PTGER3: variants seen among roughly 807,000 people sequenced by gnomAD.
The protein encoded by PTGER3 is prostaglandin E receptor 3, also known as prostaglandin E2 receptor EP3 subtype.
Under a neutral mutation model 34.7 loss-of-function variants are expected in PTGER3, and 22 were observed. The ratio of observed to expected loss-of-function variants is 0.63; its 90% CI spans 0.45 to 0.91. PTGER3 has a LOEUF of 0.91. PTGER3 is among the 40% of genes least tolerant of loss of function. The probability of loss-of-function intolerance (pLI) is 0.00; values close to 1 mark genes in which losing one functional copy is unlikely to be tolerated. For synonymous variants in PTGER3, 241 were observed against 230.1 expected, an observed-to-expected ratio of 1.05 and a Z score of -0.43; for missense variants, 468 against 519.4, an observed-to-expected ratio of 0.90 and a Z score of 0.96.
chr1:70,874,767 G>A (rs1477129101), intron 4 of PTGER3, among the ~76,000 whole-genome samples: 2 of 151,814 alleles, frequency 1.3e-5, no homozygotes, highest in African/African-American at 4.8e-5. Context: ...ATTTTCCCAG[G>A]AGAAATTGAA....
intron 4 of PTGER3, among the ~76,000 whole-genome samples, chr1:70,863,518 A>C (rs1161411227): frequency 1.3e-5 from 2 of 152,182 alleles, no homozygotes; most frequent in Non-Finnish European, 2.9e-5. Flanking sequence ...ATAGATCATG[A>C]AAAAATCTTT....
intron 4 of PTGER3, among the ~76,000 whole-genome samples, chr1:70,879,285 C>G (rs1646336912): frequency 6.6e-6 from 1 of 152,062 alleles, no homozygotes; most frequent in Non-Finnish European, 1.5e-5. Context: ...CTCACTCTGT[C>G]ACCCAGGCTG....
intron 2 of PTGER3, among the ~76,000 whole-genome samples, chr1:70,988,643 G>A (rs1468087352): frequency 6.6e-6 from 1 of 152,122 alleles, no homozygotes; most frequent in Non-Finnish European, 1.5e-5. Flanking sequence ...TCCAATCTCT[G>A]ATAACCAGGA....
At chr1:70,928,868 T>TAA (rs1553164350) in intron 4 of PTGER3, among the ~76,000 whole-genome samples, 1 of 147,172 alleles carries the variant, frequency 6.8e-6, no homozygotes, top group African/African-American at 2.5e-5. Flanking sequence ...AATTTACAGA[T>TAA]ACACACACAC....
chr1:70,895,144 C>G (rs1053367028), intron 4 of PTGER3, among the ~76,000 whole-genome samples: 1 of 152,166 alleles, frequency 6.6e-6, no homozygotes, highest in Admixed American at 6.6e-5. Context: ...TAGCATTTAA[C>G]AAAAGAAATG....
At chr1:70,897,654 T>C (rs1202372768) in intron 4 of PTGER3, among the ~76,000 whole-genome samples, 1 of 152,174 alleles carries the variant, frequency 6.6e-6, no homozygotes, top group Non-Finnish European at 1.5e-5. Flanking sequence ...CTTCCAGTCC[T>C]CTTTGCCTCC....
At chr1:70,981,596 A>G (rs935841399) in intron 2 of PTGER3, among the ~76,000 whole-genome samples, 5 of 151,584 alleles carry the variant, frequency 3.3e-5, no homozygotes, top group African/African-American at 1.2e-4. Flanking sequence ...TTTTGTAGAG[A>G]TAGGATCTCA....
At chr1:70,885,222 T>C (rs1353012880) in intron 4 of PTGER3, among the ~76,000 whole-genome samples, 4 of 152,162 alleles carry the variant, frequency 2.6e-5, no homozygotes, top group African/African-American at 9.7e-5. Context: ...ACTTCTGAGG[T>C]TCTCTGTGGT....
chr1:70,990,928 G>A (rs974161631), intron 2 of PTGER3, among the ~76,000 whole-genome samples: 12 of 152,244 alleles, frequency 7.9e-5, no homozygotes, highest in African/African-American at 2.9e-4. Flanking sequence ...AAATAGTGAA[G>A]GTAACATTTA....
intron 1 of PTGER3, among the ~76,000 whole-genome samples, chr1:71,031,304 G>A (rs1419278938): frequency 1.3e-5 from 2 of 151,564 alleles, no homozygotes; most frequent in African/African-American, 4.9e-5. Context: ...ACACGCACAT[G>A]TGCACAAGGC....
At chr1:70,991,014 G>A (rs1655426304) in intron 2 of PTGER3, among the ~76,000 whole-genome samples, 1 of 152,118 alleles carries the variant, frequency 6.6e-6, no homozygotes, top group African/African-American at 2.4e-5. Context: ...TCACTTCATA[G>A]GCTTCCTTCC....
At chr1:71,009,411 G>A (rs1657247248) in intron 2 of PTGER3, 1 of 980,404 alleles carries the variant, frequency 1.0e-6, no homozygotes, top group Admixed American at 6.2e-5. Context: ...AATATCTTGG[G>A]ATATATACAG....
At chr1:70,992,061 A>C (rs2100774504) in intron 2 of PTGER3, among the ~76,000 whole-genome samples, 1 of 152,324 alleles carries the variant, frequency 6.6e-6, no homozygotes, top group Middle Eastern at 3.4e-3. Context: ...TCCCAGAGGA[A>C]AGTACTAATA....
At chr1:70,975,573 A>G (rs1052832992) in intron 2 of PTGER3, among the ~76,000 whole-genome samples, 3 of 152,130 alleles carry the variant, frequency 2.0e-5, no homozygotes, top group Non-Finnish European at 4.4e-5. Context: ...GTGGCATGGC[A>G]TTATACAAGC....
chr1:71,047,001 C>G lies in PTGER3; in HGVS notation c.577G>C (p.Val193Leu). ...ACGGTGTACTGGCCCACGCCCAGCA[C>G]CGGCAGCAGGGCGAAGGCGAGCACG... ...LAVLAFALLP[V>L]LGVGQYTVQW... is the part of the protein sequence containing the mutation. Residue 193 changes from valine (V) to leucine (L), a missense_variant, in exon 1 of 4, where the codon GTG becomes CTG. Transcript: ENST00000306666. 6.2e-7 allele frequency: 1 copy of G among 1,611,512 alleles called. No individual in the cohort carries two copies. Among genetic ancestry groups the G allele is most frequent in the African/African-American group, 1.3e-5 (1 of 75,054 alleles).
chr1:70,994,184 A>G (rs1655719456), intron 2 of PTGER3, among the ~76,000 whole-genome samples: 1 of 152,160 alleles, frequency 6.6e-6, no homozygotes, highest in Non-Finnish European at 1.5e-5. Flanking sequence ...TGAATTAATC[A>G]AAAACTGTCT....
At chr1:70,937,876 C>T (rs147040029) in intron 4 of PTGER3, among the ~76,000 whole-genome samples, 75 of 143,110 alleles carry the variant, frequency 5.2e-4, no homozygotes, top group East Asian at 2.9e-3. Context: ...AAGCATATTT[C>T]ACTTTTATTA....
chr1:70,953,754 G>T, intron 3 of PTGER3: 1 of 1,522,200 alleles, frequency 6.6e-7, no homozygotes, highest in Non-Finnish European at 8.8e-7. Flanking sequence ...TACTATCTTT[G>T]CAACTTACTT....
At chr1:70,913,464 G>C (rs1386008239) in intron 4 of PTGER3, among the ~76,000 whole-genome samples, 1 of 151,794 alleles carries the variant, frequency 6.6e-6, no homozygotes, top group Admixed American at 6.6e-5. Flanking sequence ...TTAAATGCCT[G>C]ATCTGTATTC....
Sources: allele counts gnomAD v4.1 joint callset (sites outside exome capture counted in the v4.1 genomes callset), GRCh38; gene constraint gnomAD v4.1.1; transcripts MANE v1.5; gene names NCBI Gene and HGNC (gene_info 2026-07-23, HGNC 2026-07-21).